The following MYOM1 variants were observed in gnomAD, a reference collection of about 807,000 sequenced individuals.
The protein encoded by MYOM1 is myomesin 1.
MYOM1 carries 164 observed loss-of-function variants against 205.3 expected under a neutral mutation model. The ratio of observed to expected loss-of-function variants is 0.80; its 90% CI spans 0.70 to 0.91. MYOM1 has a LOEUF of 0.91. MYOM1 is among the 40% of genes least tolerant of loss of function. MYOM1 has a pLI of 0.00. For missense variants in MYOM1, 2,011 were observed against 2,127.3 expected, an observed-to-expected ratio of 0.95 and a Z score of 1.08; for synonymous variants, 772 against 789.4, an observed-to-expected ratio of 0.98 and a Z score of 0.37.
At chr18:3,238,310 G>A in the MYOM1 span, among the ~76,000 whole-genome samples, 5 of 152,140 alleles carry the variant, frequency 3.3e-5, no homozygotes, top group Non-Finnish European at 7.3e-5. Context: ...CAGAGCTCAC[G>A]CAGTAATGTG....
intron 25 of MYOM1, among the ~76,000 whole-genome samples, chr18:3,099,334 T>C (rs1308260513): frequency 6.6e-6 from 1 of 152,370 alleles, no homozygotes; most frequent in South Asian, 2.1e-4. Context: ...ACAAAGGCTG[T>C]TTGTCCATAG....
chr18:3,134,662 A>G lies in MYOM1; in HGVS notation c.2372T>C (p.Val791Ala). Residue 791 changes from valine (V) to alanine (A), a missense_variant, in exon 16 of 38, where the codon GTG (valine) becomes GCG (alanine). Val to Ala is a moderately conservative substitution (Grantham distance 64, BLOSUM62 0). Transcript: ENST00000356443. ...GKWEPCNNNPVKGSRFTCHGL... is the reference protein window; with the variant it reads ...GKWEPCNNNPAKGSRFTCHGL... Reference sequence around the variant, plus strand: ...CCGACTGAGTTACCGTGAGCCCTTCACGGGGTTGTTGTTACAGGGCTCCCA... The same window carrying G: ...CCGACTGAGTTACCGTGAGCCCTTCGCGGGGTTGTTGTTACAGGGCTCCCA... The G allele has an allele frequency of 6.2e-7, 1 of 1,612,774 alleles. No homozygotes were observed. The highest frequency in any genetic ancestry group is 8.5e-7 in the Non-Finnish European group (1 of 1,179,002).
At chr18:3,096,962 A>C (rs1352382214) in intron 25 of MYOM1, among the ~76,000 whole-genome samples, 3 of 152,104 alleles carry the variant, frequency 2.0e-5, no homozygotes, top group Non-Finnish European at 1.5e-5. Context: ...TCAGCTCCAA[A>C]TTTCCTTAGG....
chr18:3,229,745 G>A, the MYOM1 span, among the ~76,000 whole-genome samples: 10,222 of 152,122 alleles, frequency 0.067, 361 homozygotes, highest in Admixed American at 0.09. Flanking sequence ...CAAGGCATGC[G>A]GATCACCTGA....
At chr18:3,090,219 T>A (rs1283340284) in intron 27 of MYOM1, among the ~76,000 whole-genome samples, 19 of 81,806 alleles carry the variant, frequency 2.3e-4, no homozygotes, top group Middle Eastern at 5.7e-3. Context: ...AAAACTGTAT[T>A]TTTTTTTTTT....
intron 3 of MYOM1, among the ~76,000 whole-genome samples, chr18:3,191,842 C>T (rs920719103): frequency 2.0e-5 from 3 of 151,770 alleles, no homozygotes; most frequent in African/African-American, 7.3e-5. Context: ...ACTACAGGTG[C>T]CCGCCACCAC....
Position 3,189,078 on chromosome 18 carries a change from A to T in MYOM1, c.441T>A (p.His147Gln). 6.2e-7 allele frequency: 1 copy of T among 1,611,328 alleles called. No homozygotes were observed. Among genetic ancestry groups the T allele is most frequent in the African/African-American group, 1.3e-5 (1 of 74,904 alleles). The stretch of plus-strand genomic sequence containing the variant: ...CTTCCGTATCAGTAATTCCACTGAC[A>T]TGCTTTTGACTAAAACACAACAATG... The part of the protein sequence containing the change: ...MVPIFSGRQK[H>Q]VSGITDTEEE... Residue 147 changes from histidine (H) to glutamine (Q), a missense_variant, in exon 4 of 38, where the codon CAT becomes CAA. Coordinates refer to ENST00000356443, the MANE Select transcript of MYOM1 (RefSeq NM_003803.4). The surrounding 1 kb of genome is among the most constrained non-coding windows in gnomAD (Gnocchi z 4.8).
At chr18:3,093,055 G>A (rs73371174) in intron 26 of MYOM1, among the ~76,000 whole-genome samples, 2,105 of 152,184 alleles carry the variant, frequency 0.014, 42 homozygotes, top group African/African-American at 0.044. Context: ...GAGAGGAGAC[G>A]GGTCGCAGTG....
chr18:3,142,189 T>C (rs1480125694), intron 13 of MYOM1, 126 bp from the exon 14 acceptor site: 1 of 1,137,834 alleles, frequency 8.8e-7, no homozygotes, highest in Non-Finnish European at 1.2e-6. Flanking sequence ...AAGAAGTACC[T>C]TCTCTCTAAA....
Position 3,209,559 on chromosome 18 carries a change from C to G in MYOM1, c.290+5375G>C, listed in dbSNP as rs774470839. Among the ~76,000 whole-genome samples, 4 of 152,226 alleles carry G rather than the reference C, an allele frequency of 2.6e-5. No homozygotes were observed. Among genetic ancestry groups the G allele is most frequent in the Non-Finnish European group, 5.9e-5 (4 of 68,042 alleles). ...GCCCTCCATGATCAGTCCTGCCCAACCCATCACCTTTCTGACATCCTCTCC... is the reference window on the plus strand; with the variant it reads ...GCCCTCCATGATCAGTCCTGCCCAAGCCATCACCTTTCTGACATCCTCTCC... On this transcript the variant is annotated intron_variant, in intron 2 of 37. Transcript: ENST00000356443. This position sits in a 1 kb window ranked among gnomAD's most constrained non-coding sequence, Gnocchi z 4.0.
intron 20 of MYOM1, among the ~76,000 whole-genome samples, chr18:3,119,438 C>T (rs990902026): frequency 1.3e-5 from 2 of 152,118 alleles, no homozygotes; most frequent in African/African-American, 2.4e-5. Flanking sequence ...AAATGAGAAC[C>T]TTCCCAGCAG....
chr18:3,144,221 A>G (rs114178097), intron 13 of MYOM1, among the ~76,000 whole-genome samples: 2 of 152,118 alleles, frequency 1.3e-5, no homozygotes, highest in Admixed American at 1.3e-4. Context: ...ACAAACAAAA[A>G]AAGGCACTGT....
the MYOM1 span, among the ~76,000 whole-genome samples, chr18:3,241,398 C>T: frequency 2.6e-5 from 4 of 152,172 alleles, no homozygotes; most frequent in African/African-American, 7.2e-5. Context: ...AGGTACAGCT[C>T]GGGCCGTGGC....
chr18:3,178,625 A>C (rs899389604), intron 5 of MYOM1, among the ~76,000 whole-genome samples: 1 of 152,256 alleles, frequency 6.6e-6, no homozygotes, highest in South Asian at 2.1e-4. Context: ...TCTACACTTA[A>C]AACAAACAAA....
At chr18:3,240,195 C>T in the MYOM1 span, among the ~76,000 whole-genome samples, 5 of 152,158 alleles carry the variant, frequency 3.3e-5, no homozygotes, top group African/African-American at 4.8e-5. Flanking sequence ...TATAGTATCA[C>T]TATGTTAGGC....
chr18:3,139,060 G>A (rs542993578), intron 14 of MYOM1, among the ~76,000 whole-genome samples: 2 of 152,266 alleles, frequency 1.3e-5, no homozygotes, highest in South Asian at 2.1e-4. Context: ...GGGGAGGATA[G>A]CTTGAGCCCA....
At chr18:3,085,796 C>CAT (rs2079146326) in intron 30 of MYOM1, among the ~76,000 whole-genome samples, 1 of 152,154 alleles carries the variant, frequency 6.6e-6, no homozygotes, top group Non-Finnish European at 1.5e-5. Flanking sequence ...CTTCACTGCC[C>CAT]ATATATGGAT....
intron 10 of MYOM1, among the ~76,000 whole-genome samples, chr18:3,157,112 T>C (rs1402697784): frequency 6.6e-6 from 1 of 152,168 alleles, no homozygotes; most frequent in Non-Finnish European, 1.5e-5. Context: ...TAACGGCCTA[T>C]ACCACAACAA....
chr18:3,199,423 T>C (rs1445775152), intron 2 of MYOM1, among the ~76,000 whole-genome samples: 2 of 152,286 alleles, frequency 1.3e-5, no homozygotes, highest in South Asian at 2.1e-4. Context: ...CATACATATA[T>C]GTGTGGGAAA....
Sources: gnomAD v4.1 joint callset for allele counts (sites outside exome capture counted in the v4.1 genomes callset) on GRCh38, gnomAD v4.1.1 for gene constraint, Gnocchi (gnomAD v3.1) non-coding constraint, MANE v1.5 for transcripts, NCBI Gene and HGNC (gene_info 2026-07-23, HGNC 2026-07-21) for gene names.